SCFD2: variants seen among roughly 807,000 people sequenced by gnomAD.
SCFD2 encodes sec1 family domain-containing protein 2.
Under a neutral mutation model 58.9 loss-of-function variants are expected in SCFD2, and 54 were observed. The observed-to-expected ratio is 0.92, with a 90% confidence interval of 0.74 to 1.15. SCFD2 has a LOEUF of 1.15. Ranked by LOEUF, SCFD2 falls within the 50% of genes most tolerant of loss-of-function variation. The pLI is 0.00. For synonymous variants in SCFD2, 321 were observed against 335.9 expected (o/e 0.96, Z 0.49); for missense variants, 805 against 836.6 (o/e 0.96, Z 0.47).
intron 5 of SCFD2, among the ~76,000 whole-genome samples, chr4:53,084,860 A>T (rs1333468715): frequency 6.6e-6 from 1 of 152,164 alleles, no homozygotes; most frequent in African/African-American, 2.4e-5. Context: ...AAGATACCTT[A>T]AAAAACTGTA....
Position 53,313,570 on chromosome 4 carries a change from C to T in SCFD2, c.1135+66G>A. 4.4e-6 allele frequency: 7 copies of T among 1,595,984 alleles called. No homozygotes were observed. The South Asian group carries it at 4.5e-5, about 10-fold the overall frequency. Reference sequence around the variant, plus strand: ...TAGATTCCATGTTGGCTAGCTTGGCCCACAATTCAGAACAGGTTTAAATAA... The same window carrying T: ...TAGATTCCATGTTGGCTAGCTTGGCTCACAATTCAGAACAGGTTTAAATAA... On this transcript the variant is annotated intron_variant, in intron 3 of 8. Coordinates refer to ENST00000401642, the MANE Select transcript of SCFD2 (RefSeq NM_152540.4).
Position 53,293,710 on chromosome 4 carries a change from T to C in SCFD2, c.1136-19709A>G, listed in dbSNP as rs1316389672. Among the ~76,000 whole-genome samples, 3 of 152,186 alleles carry C rather than the reference T, an allele frequency of 2.0e-5. No individual in the cohort carries two copies. The East Asian group carries it at 5.8e-4, about 29-fold the overall frequency. On this transcript the variant is annotated intron_variant, in intron 3 of 8. Transcript: ENST00000401642. Reference sequence around the variant, plus strand: ...ACTGAAAAGTTTTTTCCCTAAAATCTGGTATATGGCAGGAATGCTCACTCT... The same window carrying C: ...ACTGAAAAGTTTTTTCCCTAAAATCCGGTATATGGCAGGAATGCTCACTCT...
chr4:52,873,724 T>C lies in SCFD2; in HGVS notation c.*245A>G. 6.1e-6 allele frequency: 2 copies of C among 328,586 alleles called. No homozygotes were observed. Among genetic ancestry groups the C allele is most frequent in the Non-Finnish European group, 1.1e-5 (2 of 177,006 alleles). The allele number at this position is 328,586 out of a possible 1,614,324, so 20.4% of individuals were successfully genotyped here. ...AGGATAAATGGAAACGATCACTAAT[T>C]GGACTCGCCAAAAGACAGACTGTCG... On this transcript the variant is annotated 3_prime_UTR_variant, in exon 9 of 9. Transcript: ENST00000401642.
chr4:53,282,362 T>G (rs1310649614), intron 3 of SCFD2, among the ~76,000 whole-genome samples: 1 of 152,198 alleles, frequency 6.6e-6, no homozygotes, highest in African/African-American at 2.4e-5. Flanking sequence ...TTCTCTCTCC[T>G]TTGTTCCTAC....
At chr4:53,123,266 C>T (rs1233883607) in intron 5 of SCFD2, among the ~76,000 whole-genome samples, 1 of 152,192 alleles carries the variant, frequency 6.6e-6, no homozygotes, top group Non-Finnish European at 1.5e-5. Context: ...GATTTGCAAA[C>T]ACTTGAACAT....
intron 3 of SCFD2, among the ~76,000 whole-genome samples, chr4:53,304,266 C>A (rs531008017): frequency 6.6e-6 from 1 of 152,026 alleles, no homozygotes; most frequent in African/African-American, 2.4e-5. Flanking sequence ...AACATTTTTT[C>A]CTTCATTTCA....
chr4:53,184,936 A>T (rs1727696135), intron 4 of SCFD2, among the ~76,000 whole-genome samples: 1 of 152,100 alleles, frequency 6.6e-6, no homozygotes, highest in Non-Finnish European at 1.5e-5. Context: ...GTTGTGATGA[A>T]TTTGATGCAT....
intron 5 of SCFD2, among the ~76,000 whole-genome samples, chr4:53,045,143 T>C (rs567175770): frequency 5.8e-4 from 89 of 152,316 alleles, no homozygotes; most frequent in African/African-American, 2.1e-3. Flanking sequence ...GTTTCACAAA[T>C]ATTCAGGTTA....
chr4:53,253,674 A>G (rs1478239880), intron 4 of SCFD2, among the ~76,000 whole-genome samples: 2 of 143,378 alleles, frequency 1.4e-5, no homozygotes, highest in African/African-American at 5.2e-5. Context: ...TCACTCATAG[A>G]TGGGAATTGA....
At chr4:53,275,819 T>C (rs1227265258) in intron 3 of SCFD2, among the ~76,000 whole-genome samples, 1 of 152,230 alleles carries the variant, frequency 6.6e-6, no homozygotes, top group Non-Finnish European at 1.5e-5. Flanking sequence ...TGAACCATAA[T>C]GTATCTGAGA....
intron 4 of SCFD2, among the ~76,000 whole-genome samples, chr4:53,147,144 T>C (rs1726355832): frequency 6.6e-6 from 1 of 152,214 alleles, no homozygotes; most frequent in Non-Finnish European, 1.5e-5. Flanking sequence ...CAGAGCAAGA[T>C]ACTGTCTCTA....
chr4:53,254,029 T>C (rs912690318), intron 4 of SCFD2, among the ~76,000 whole-genome samples: 2 of 151,520 alleles, frequency 1.3e-5, no homozygotes, highest in Admixed American at 6.6e-5. Context: ...ACTTATAAGT[T>C]AGAGCTAAGT....
intron 5 of SCFD2, among the ~76,000 whole-genome samples, chr4:52,959,733 C>T (rs1720800161): frequency 6.6e-6 from 1 of 152,134 alleles, no homozygotes; most frequent in Non-Finnish European, 1.5e-5. Flanking sequence ...AATGCAAAAA[C>T]AAGATGACAT....
chr4:53,207,081 C>A (rs1728427729), intron 4 of SCFD2, among the ~76,000 whole-genome samples: 1 of 151,790 alleles, frequency 6.6e-6, no homozygotes, highest in African/African-American at 2.4e-5. Flanking sequence ...AAGAGAGGTA[C>A]CAGGGCCAGA....
At chr4:52,888,344 A>G (rs1267914694) in intron 7 of SCFD2, among the ~76,000 whole-genome samples, 2 of 152,184 alleles carry the variant, frequency 1.3e-5, no homozygotes, top group Non-Finnish European at 2.9e-5. Flanking sequence ...TGACCTCAAA[A>G]TAGGTGGTGG....
intron 4 of SCFD2, among the ~76,000 whole-genome samples, chr4:53,181,559 G>A (rs1727556709): frequency 2.6e-5 from 4 of 152,112 alleles, no homozygotes; most frequent in Admixed American, 2.6e-4. Context: ...ATACTGAATG[G>A]GCAAAAACTG....
At chr4:53,333,294 C>A (rs866317443) in intron 2 of SCFD2, among the ~76,000 whole-genome samples, 1 of 149,672 alleles carries the variant, frequency 6.7e-6, no homozygotes, top group Non-Finnish European at 1.5e-5. Flanking sequence ...ATCGCCAAGG[C>A]AATCCTAAGC....
rs1197252642 is a variant in SCFD2 at position 52,875,544 on chromosome 4, T to C, written c.1963-1483A>G. On this transcript the variant is annotated intron_variant, in intron 8 of 8. Coordinates refer to ENST00000401642, the MANE Select transcript of SCFD2 (RefSeq NM_152540.4). ...GCAAGTGGGCCCACACACTTTACTA[T>C]CCTCCTTGCCCACTCCCAAAATTGT... Among the ~76,000 whole-genome samples the C allele has an allele frequency of 2.6e-5, 4 of 151,786 alleles. 1 individual carries two copies. The East Asian group carries it at 7.8e-4, about 30-fold the overall frequency.
intron 4 of SCFD2, among the ~76,000 whole-genome samples, chr4:53,251,241 A>G (rs1730364333): frequency 6.6e-6 from 1 of 152,188 alleles, no homozygotes; most frequent in African/African-American, 2.4e-5. Context: ...GCAATAATCA[A>G]TAGCTTACCA....
Sources: allele counts gnomAD v4.1 joint callset (sites outside exome capture counted in the v4.1 genomes callset), GRCh38; gene constraint gnomAD v4.1.1; transcripts MANE v1.5; gene names NCBI Gene and HGNC (gene_info 2026-07-23, HGNC 2026-07-21).